CDK14: variants seen among roughly 807,000 people sequenced by gnomAD.
The protein encoded by CDK14 is cyclin-dependent kinase 14.
A neutral mutation model predicts 60.7 loss-of-function variants in CDK14; 34 were observed. The ratio of observed to expected loss-of-function variants is 0.56; its 90% CI spans 0.43 to 0.75. The LOEUF (loss-of-function observed/expected upper bound fraction) is 0.75. CDK14 is among the 30% of genes least tolerant of loss of function. The pLI is 0.00. For missense variants in CDK14, 482 were observed against 564.1 expected, an observed-to-expected ratio of 0.85 and a Z score of 1.47; for synonymous variants, 197 against 203.7, an observed-to-expected ratio of 0.97 and a Z score of 0.28.
At chr7:90,997,246 A>G (rs1795712665) in intron 10 of CDK14, among the ~76,000 whole-genome samples, 1 of 152,222 alleles carries the variant, frequency 6.6e-6, no homozygotes, top group Non-Finnish European at 1.5e-5. Flanking sequence ...AGGTAAGAAT[A>G]TAAGGACTAC....
intron 14 of CDK14, among the ~76,000 whole-genome samples, chr7:91,181,175 T>G (rs1012234549): frequency 6.6e-6 from 1 of 152,190 alleles, no homozygotes; most frequent in Non-Finnish European, 1.5e-5. Context: ...GTTTTTAAAT[T>G]TATTTGAGTC....
chr7:91,022,908 C>A (rs1171712642), intron 10 of CDK14, among the ~76,000 whole-genome samples: 1 of 152,168 alleles, frequency 6.6e-6, no homozygotes, highest in Non-Finnish European at 1.5e-5. Flanking sequence ...TTAACTTATT[C>A]CCTCAGCCTC....
At chr7:90,947,845 ATATG>A (rs1376240279) in intron 8 of CDK14, among the ~76,000 whole-genome samples, 1 of 152,156 alleles carries the variant, frequency 6.6e-6, no homozygotes, top group African/African-American at 2.4e-5. Context: ...GTCATTTTAA[ATATG>A]TATGTATAAT....
At chr7:90,985,031 T>G (rs1397006246) in intron 10 of CDK14, among the ~76,000 whole-genome samples, 1 of 152,194 alleles carries the variant, frequency 6.6e-6, no homozygotes, top group East Asian at 1.9e-4. Flanking sequence ...TTAATATCAA[T>G]ATACCAATGT....
chr7:90,866,304 A>G (rs1010865834), intron 6 of CDK14, among the ~76,000 whole-genome samples: 6 of 151,554 alleles, frequency 4.0e-5, no homozygotes, highest in African/African-American at 1.5e-4. Context: ...TAAAATCAGT[A>G]TCAGTTTAAT....
At chr7:90,781,678 T>C (rs78187254) in intron 4 of CDK14, among the ~76,000 whole-genome samples, 22,543 of 151,094 alleles carry the variant, frequency 0.15, 1,760 homozygotes, top group South Asian at 0.18. Flanking sequence ...TAGGGAATCC[T>C]TTCCCCATTG....
At chr7:90,956,627 AT>A (rs1188312767) in intron 9 of CDK14, among the ~76,000 whole-genome samples, 2 of 152,076 alleles carry the variant, frequency 1.3e-5, no homozygotes, top group African/African-American at 2.4e-5. Flanking sequence ...ATTTATTATT[AT>A]TATACTTTAA....
intron 7 of CDK14, among the ~76,000 whole-genome samples, chr7:90,902,875 A>G (rs1792561704): frequency 6.6e-6 from 1 of 152,158 alleles, no homozygotes; most frequent in South Asian, 2.1e-4. Flanking sequence ...TTATAAAAGG[A>G]ATTCAAACAA....
In CDK14 at chr7:91,149,543, T is replaced by C. The variant is rs1379761506; in HGVS notation, c.*28+31335T>C. On this transcript the variant is annotated intron_variant, in intron 14 of 14. Transcript: ENST00000380050. ...ATGTTAATACTCCTTAAAAAGAACA[T>C]ATGTTACAATCTTAGTGCCTTGTCA... 2.0e-5 allele frequency among the ~76,000 whole-genome samples: 3 copies of C among 152,286 alleles called. No homozygotes were observed. The East Asian group carries it at 5.8e-4, about 29-fold the overall frequency.
At chr7:91,192,733 T>A (rs926116237) in intron 14 of CDK14, among the ~76,000 whole-genome samples, 1 of 152,182 alleles carries the variant, frequency 6.6e-6, no homozygotes. Flanking sequence ...TAATTTCCAT[T>A]TATCTTTAAT....
At chr7:90,607,116 A>G (rs546460213) in intron 2 of CDK14, among the ~76,000 whole-genome samples, 1 of 152,338 alleles carries the variant, frequency 6.6e-6, no homozygotes, top group Admixed American at 6.5e-5. Flanking sequence ...GATCAAAATG[A>G]CAATTTTATC....
intron 14 of CDK14, among the ~76,000 whole-genome samples, chr7:91,161,258 C>T (rs921583898): frequency 1.3e-5 from 2 of 152,108 alleles, no homozygotes; most frequent in Admixed American, 1.3e-4. Context: ...CCTCCCAAGG[C>T]GCAGAATCAG....
At chr7:90,991,008 A>G (rs1215994869) in intron 10 of CDK14, among the ~76,000 whole-genome samples, 1 of 152,222 alleles carries the variant, frequency 6.6e-6, no homozygotes, top group Admixed American at 6.5e-5. Context: ...AGCTTCCAGG[A>G]AACCAGGTCA....
At chr7:90,970,077 T>G (rs1257113273) in intron 9 of CDK14, among the ~76,000 whole-genome samples, 1 of 151,904 alleles carries the variant, frequency 6.6e-6, no homozygotes, top group Non-Finnish European at 1.5e-5. Flanking sequence ...AGCGATCCTC[T>G]GCCTCAGCCT....
chr7:91,116,967 A>G (rs926500395), intron 13 of CDK14, among the ~76,000 whole-genome samples: 19 of 151,168 alleles, frequency 1.3e-4, no homozygotes, highest in African/African-American at 4.4e-4. Flanking sequence ...ATCTCATCCC[A>G]TCTCATGATT....
intron 8 of CDK14, among the ~76,000 whole-genome samples, chr7:90,929,009 G>A (rs1483880892): frequency 6.6e-6 from 1 of 152,244 alleles, no homozygotes; most frequent in Non-Finnish European, 1.5e-5. Context: ...GTGGGCATGG[G>A]ACCCTCTGAG....
chr7:90,785,805 A>AAT (rs1428964949), intron 4 of CDK14, among the ~76,000 whole-genome samples: 1 of 128,578 alleles, frequency 7.8e-6, no homozygotes, highest in Non-Finnish European at 1.6e-5. Flanking sequence ...AAAAAAAAAA[A>AAT]AGAGAAAACT....
chr7:90,639,922 C>T (rs1800276847), intron 2 of CDK14, among the ~76,000 whole-genome samples: 1 of 152,228 alleles, frequency 6.6e-6, no homozygotes, highest in African/African-American at 2.4e-5. Context: ...ACCCTCCGAG[C>T]CAGGTGCGGG....
At chr7:90,958,836 C>T (rs1032264629) in intron 9 of CDK14, among the ~76,000 whole-genome samples, 7 of 152,090 alleles carry the variant, frequency 4.6e-5, no homozygotes, top group Admixed American at 1.3e-4. Context: ...ACATCTGTGG[C>T]TTGGAGCCAG....
Sources: allele counts gnomAD v4.1 joint callset (sites outside exome capture counted in the v4.1 genomes callset), GRCh38; gene constraint gnomAD v4.1.1; transcripts MANE v1.5; gene names NCBI Gene and HGNC (gene_info 2026-07-23, HGNC 2026-07-21).